The following CDKAL1 variants were observed in gnomAD, a reference collection of about 807,000 sequenced individuals.
CDKAL1 encodes threonylcarbamoyladenosine tRNA methylthiotransferase.
A neutral mutation model predicts 68.2 loss-of-function variants in CDKAL1; 32 were observed. The ratio of observed to expected loss-of-function variants is 0.47; its 90% CI spans 0.35 to 0.63. The LOEUF (loss-of-function observed/expected upper bound fraction) is 0.63. CDKAL1 is among the 30% of genes least tolerant of loss of function. CDKAL1 has a pLI of 0.00. For missense variants in CDKAL1, 606 were observed against 696.7 expected (o/e 0.87, Z 1.47); for synonymous variants, 234 against 244.3 (o/e 0.96, Z 0.39).
intron 5 of CDKAL1, among the ~76,000 whole-genome samples, chr6:20,693,996 C>T (rs1488043649): frequency 6.6e-6 from 1 of 151,136 alleles, no homozygotes; most frequent in Non-Finnish European, 1.5e-5. Context: ...CTTCAGCCTC[C>T]CGAGGAGCTG....
At chr6:20,716,388 A>T (rs1342504945) in intron 5 of CDKAL1, among the ~76,000 whole-genome samples, 1 of 152,082 alleles carries the variant, frequency 6.6e-6, no homozygotes, top group Non-Finnish European at 1.5e-5. Context: ...AGAGCTGGGG[A>T]ATGAGATTTT....
chr6:20,669,905 A>G (rs769807599), intron 5 of CDKAL1, among the ~76,000 whole-genome samples: 6 of 152,186 alleles, frequency 3.9e-5, no homozygotes, highest in Non-Finnish European at 7.3e-5. Context: ...TAAATCTACT[A>G]AGACTTAGGA....
intron 15 of CDKAL1, among the ~76,000 whole-genome samples, chr6:21,218,884 A>T (rs1025435783): frequency 7.9e-5 from 12 of 152,238 alleles, no homozygotes; most frequent in African/African-American, 2.9e-4. Context: ...GGCGAGGCTC[A>T]CTGGGGATCA....
At chr6:20,841,085 T>C (rs1305595932) in intron 8 of CDKAL1, among the ~76,000 whole-genome samples, 1 of 152,222 alleles carries the variant, frequency 6.6e-6, no homozygotes, top group Non-Finnish European at 1.5e-5. Context: ...CCCTCTTGCC[T>C]CAGCCTCCCA....
intron 7 of CDKAL1, among the ~76,000 whole-genome samples, chr6:20,778,529 G>T (rs1775275966): frequency 2.0e-5 from 3 of 152,316 alleles, no homozygotes; most frequent in Admixed American, 2.0e-4. Flanking sequence ...GAGACGTAGT[G>T]TAAGGAATTG....
At chr6:20,749,684 A>C (rs1773829692) in intron 6 of CDKAL1, among the ~76,000 whole-genome samples, 1 of 151,618 alleles carries the variant, frequency 6.6e-6, no homozygotes, top group African/African-American at 2.4e-5. Context: ...AGTAGCTGGG[A>C]CTACAGGTGC....
chr6:21,122,786 C>T (rs1264357593), intron 13 of CDKAL1, among the ~76,000 whole-genome samples: 2 of 150,162 alleles, frequency 1.3e-5, no homozygotes, highest in Non-Finnish European at 3.0e-5. Context: ...CAGGCACACA[C>T]TACCATCCCC....
intron 11 of CDKAL1, among the ~76,000 whole-genome samples, chr6:21,058,250 C>A (rs1770944639): frequency 6.6e-6 from 1 of 152,136 alleles, no homozygotes; most frequent in Admixed American, 6.5e-5. Flanking sequence ...TGAATTGATC[C>A]CTTTACCATT....
intron 7 of CDKAL1, among the ~76,000 whole-genome samples, chr6:20,775,510 G>C (rs1442900934): frequency 6.6e-6 from 1 of 152,122 alleles, no homozygotes; most frequent in Non-Finnish European, 1.5e-5. Context: ...TTTGTCTCAT[G>C]GTCCTTTCAT....
At chr6:20,710,997 G>A (rs1000812533) in intron 5 of CDKAL1, among the ~76,000 whole-genome samples, 8 of 152,186 alleles carry the variant, frequency 5.3e-5, no homozygotes, top group Non-Finnish European at 1.0e-4. Context: ...TTCTTAAAAT[G>A]TCTATTTCTT....
rs758443816 is a variant in CDKAL1 at position 20,712,448 on chromosome 6, GAA to G, written c.372-27069_372-27068del. Among the ~76,000 whole-genome samples the G allele has an allele frequency of 3.0e-4, 45 of 150,650 alleles. No homozygotes were observed. In the Middle Eastern group the frequency reaches 0.01, roughly 34 times the overall value. On this transcript the variant is annotated intron_variant, in intron 5 of 15. Coordinates refer to ENST00000274695, the MANE Select transcript of CDKAL1 (RefSeq NM_017774.3). ...GATGGTGTTTCAGGACTATTTTAAG[GAA>G]AGTTTTAGGACAAATGTTGGCTTCA...
chr6:20,559,410 C>G (rs985691703), intron 4 of CDKAL1: 1 of 152,158 alleles, frequency 6.6e-6, no homozygotes, highest in Non-Finnish European at 1.5e-5. Flanking sequence ...GTTAGTAACT[C>G]TCATGGCAAT....
intron 10 of CDKAL1, among the ~76,000 whole-genome samples, chr6:20,969,619 A>C (rs943867227): frequency 6.6e-6 from 1 of 152,210 alleles, no homozygotes; most frequent in Non-Finnish European, 1.5e-5. Flanking sequence ...TAGTCAGCTA[A>C]TGATTGGACA....
At chr6:20,961,349 G>A (rs1376304565) in intron 10 of CDKAL1, among the ~76,000 whole-genome samples, 2 of 152,116 alleles carry the variant, frequency 1.3e-5, no homozygotes, top group African/African-American at 2.4e-5. Flanking sequence ...ATAGAAAACC[G>A]AATACCACAT....
intron 11 of CDKAL1, among the ~76,000 whole-genome samples, chr6:21,035,563 C>G (rs1301972720): frequency 6.6e-6 from 1 of 151,978 alleles, no homozygotes; most frequent in Non-Finnish European, 1.5e-5. Context: ...AAACAGATTT[C>G]TACAGATTTT....
chr6:20,648,139 T>TC (rs1768571093), intron 4 of CDKAL1, among the ~76,000 whole-genome samples: 1 of 151,106 alleles, frequency 6.6e-6, no homozygotes, highest in Admixed American at 6.6e-5. Flanking sequence ...TTTTTTTTTT[T>TC]TTTTTAGATG....
At chr6:20,571,863 A>T (rs1356608505) in intron 4 of CDKAL1, among the ~76,000 whole-genome samples, 2 of 152,148 alleles carry the variant, frequency 1.3e-5, no homozygotes, top group African/African-American at 4.8e-5. Flanking sequence ...TTTAAAAAAA[A>T]TTTTTGGTAG....
chr6:21,002,650 C>A (rs1241259698), intron 11 of CDKAL1, among the ~76,000 whole-genome samples: 1 of 96,230 alleles, frequency 1.0e-5, no homozygotes, highest in African/African-American at 4.7e-5. Context: ...CTTCAGGTAA[C>A]CTATTTTAAA....
intron 9 of CDKAL1, among the ~76,000 whole-genome samples, chr6:20,862,485 A>G (rs1369212668): frequency 3.9e-5 from 6 of 152,206 alleles, no homozygotes; most frequent in Non-Finnish European, 1.5e-5. Context: ...TAAGTCTGCA[A>G]TACTTGGAAA....
Sources: gnomAD v4.1 joint callset for allele counts (sites outside exome capture counted in the v4.1 genomes callset) on GRCh38, gnomAD v4.1.1 for gene constraint, MANE v1.5 for transcripts, NCBI Gene and HGNC (gene_info 2026-07-23, HGNC 2026-07-21) for gene names.